The following FHIT variants were observed in gnomAD, a reference collection of about 807,000 sequenced individuals.
The protein encoded by FHIT is fragile histidine triad diadenosine triphosphatase.
FHIT carries 19 observed loss-of-function variants against 17.9 expected under a neutral mutation model. The ratio of observed to expected loss-of-function variants is 1.06; its 90% CI spans 0.74 to 1.56. FHIT has a LOEUF of 1.56. Among genes scored for constraint, FHIT ranks in the 40% most tolerant of loss-of-function variants. The pLI is 0.00. For synonymous variants in FHIT, 81 were observed against 69.7 expected, an observed-to-expected ratio of 1.16 and a Z score of -0.81; for missense variants, 248 against 189.2, an observed-to-expected ratio of 1.31 and a Z score of -1.82.
intron 2 of FHIT, among the ~76,000 whole-genome samples, chr3:61,052,128 A>G (rs1157348176): frequency 1.3e-5 from 2 of 152,240 alleles, no homozygotes; most frequent in Non-Finnish European, 2.9e-5. Context: ...TAAGGCATAT[A>G]CAAATTCTAC....
chr3:61,196,636 T>C (rs964860207), intron 2 of FHIT, among the ~76,000 whole-genome samples: 1 of 152,142 alleles, frequency 6.6e-6, no homozygotes, highest in Non-Finnish European at 1.5e-5. Flanking sequence ...CATCTTCACC[T>C]GGGGTGAAGG....
chr3:59,965,988 T>C (rs1232492774), intron 7 of FHIT, among the ~76,000 whole-genome samples: 2 of 152,254 alleles, frequency 1.3e-5, no homozygotes, highest in South Asian at 4.1e-4. Context: ...ACTGGATGAA[T>C]AGAAATAACT....
intron 3 of FHIT, among the ~76,000 whole-genome samples, chr3:60,862,904 T>A (rs1553753018): frequency 6.6e-6 from 1 of 151,142 alleles, no homozygotes. Context: ...AAACACTAGA[T>A]TAGGTGCTGC....
At chr3:59,800,764 G>T (rs989894843) in intron 8 of FHIT, among the ~76,000 whole-genome samples, 3 of 152,122 alleles carry the variant, frequency 2.0e-5, no homozygotes, top group African/African-American at 7.2e-5. Flanking sequence ...GTAACTAGGA[G>T]GACTTTGTAA....
chr3:60,323,886 A>G (rs1289937758), intron 5 of FHIT, among the ~76,000 whole-genome samples: 1 of 152,152 alleles, frequency 6.6e-6, no homozygotes, highest in African/African-American at 2.4e-5. Context: ...AGATTAGCAA[A>G]TACTAGAAAG....
intron 2 of FHIT, among the ~76,000 whole-genome samples, chr3:61,070,319 G>A (rs2034761729): frequency 6.6e-6 from 1 of 152,192 alleles, no homozygotes; most frequent in Non-Finnish European, 1.5e-5. Flanking sequence ...AGAGCAAGAG[G>A]TAATTGGATG....
At chr3:59,945,887 G>T (rs536119419) in intron 7 of FHIT, among the ~76,000 whole-genome samples, 5 of 152,226 alleles carry the variant, frequency 3.3e-5, no homozygotes, top group African/African-American at 1.2e-4. Context: ...ATTGGTCTGT[G>T]AGTCTGGTTT....
chr3:60,423,814 C>A (rs550234597), intron 5 of FHIT, among the ~76,000 whole-genome samples: 24 of 152,160 alleles, frequency 1.6e-4, no homozygotes, highest in Non-Finnish European at 4.4e-5. Context: ...AATACAGTGC[C>A]CCTAGCTAAC....
At chr3:60,664,497 G>T (rs372007311) in intron 4 of FHIT, among the ~76,000 whole-genome samples, 1 of 151,790 alleles carries the variant, frequency 6.6e-6, no homozygotes, top group African/African-American at 2.4e-5. Flanking sequence ...GGGTAATAAT[G>T]AGTTGAAAAG....
chr3:60,172,618 T>C (rs550971063), intron 5 of FHIT, among the ~76,000 whole-genome samples: 20 of 151,856 alleles, frequency 1.3e-4, no homozygotes, highest in Non-Finnish European at 2.8e-4. Context: ...AGACGTGGGA[T>C]AGGGGCAGAA....
At chr3:60,886,569 T>G (rs9869424) in intron 3 of FHIT, among the ~76,000 whole-genome samples, 38,881 of 151,810 alleles carry the variant, frequency 0.26, 5,734 homozygotes, top group African/African-American at 0.4. Flanking sequence ...ATGGAAAAAA[T>G]AGAGGGGCAG....
At chr3:60,365,444 T>A (rs965167592) in intron 5 of FHIT, among the ~76,000 whole-genome samples, 2 of 152,242 alleles carry the variant, frequency 1.3e-5, no homozygotes, top group East Asian at 3.9e-4. Flanking sequence ...CGTTTTAAAA[T>A]AGATCTTAAC....
chr3:60,655,076 A>G (rs1553689222), intron 4 of FHIT, among the ~76,000 whole-genome samples: 2 of 152,200 alleles, frequency 1.3e-5, no homozygotes, highest in Non-Finnish European at 2.9e-5. Flanking sequence ...GGAGCATGTG[A>G]AAAGTTTAGT....
In FHIT at chr3:60,614,809, G is replaced by GTTTTTTTTTTTTTTTTTTTTTTTT. The variant is rs147892145; in HGVS notation, c.-17-77831_-17-77830insAAAAAAAAAAAAAAAAAAAAAAAA. 2.6e-5 allele frequency among the ~76,000 whole-genome samples: 2 copies of GTTTTTTTTTTTTTTTTTTTTTTTT among 78,226 alleles called. 1 individual carries two copies. Among genetic ancestry groups the GTTTTTTTTTTTTTTTTTTTTTTTT allele is most frequent in the Non-Finnish European group, 4.8e-5 (2 of 41,872 alleles). 51.3% of individuals were successfully genotyped at this position (78,226 alleles called of 152,430 possible). A position where few individuals can be genotyped will look rare whatever the true frequency, so the allele number is the denominator to read the frequency against. On this transcript the variant is annotated intron_variant, in intron 4 of 9. Transcript: ENST00000492590. The stretch of plus-strand genomic sequence containing the variant: ...CGATTTGTAAAAAATTGCAAAAGTT[G>GTTTTTTTTTTTTTTTTTTTTTTTT]TTTTTTTTTTGTTTTTTTTTTGTTT...
At chr3:59,910,123 C>T (rs1704797436) in intron 8 of FHIT, among the ~76,000 whole-genome samples, 1 of 152,146 alleles carries the variant, frequency 6.6e-6, no homozygotes, top group Non-Finnish European at 1.5e-5. Context: ...CCAAGGTGAT[C>T]AGAGCACAGT....
At chr3:60,027,672 C>A (rs868599585) in intron 5 of FHIT, among the ~76,000 whole-genome samples, 1 of 151,360 alleles carries the variant, frequency 6.6e-6, no homozygotes, top group African/African-American at 2.4e-5. Flanking sequence ...AGCGTTCTCC[C>A]TGAAAACGTA....
At chr3:60,645,066 A>G (rs2856068) in intron 4 of FHIT, among the ~76,000 whole-genome samples, 121,635 of 151,778 alleles carry the variant, frequency 0.8, 48,861 homozygotes, top group East Asian at 0.85. Context: ...GTGGGTGGCC[A>G]GGGATCCCCC....
intron 2 of FHIT, among the ~76,000 whole-genome samples, chr3:61,173,324 C>A (rs777845043): frequency 6.6e-6 from 1 of 152,044 alleles, no homozygotes; most frequent in Non-Finnish European, 1.5e-5. Flanking sequence ...TTTGGAGATT[C>A]GACAATTTAC....
intron 3 of FHIT, among the ~76,000 whole-genome samples, chr3:61,029,125 C>T (rs547884060): frequency 1.3e-5 from 2 of 152,194 alleles, no homozygotes; most frequent in South Asian, 2.1e-4. Flanking sequence ...CTGACAGGTA[C>T]TGTAAATTGT....
Sources: allele counts gnomAD v4.1 joint callset (sites outside exome capture counted in the v4.1 genomes callset), GRCh38; gene constraint gnomAD v4.1.1; transcripts MANE v1.5; gene names NCBI Gene and HGNC (gene_info 2026-07-23, HGNC 2026-07-21).